The following RALGAPB variants were observed in gnomAD, a reference collection of about 807,000 sequenced individuals.
RALGAPB encodes Ral GTPase activating protein non-catalytic subunit beta.
Under a neutral mutation model 161.1 loss-of-function variants are expected in RALGAPB, and 25 were observed. That is an observed-to-expected ratio of 0.16 (90% CI 0.11 to 0.22). The LOEUF is 0.22. RALGAPB is among the 10% of genes least tolerant of loss of function. The probability of loss-of-function intolerance (pLI) is 1.00; values close to 1 mark genes in which losing one functional copy is unlikely to be tolerated. For synonymous variants in RALGAPB, 629 were observed against 626.1 expected (o/e 1.00, Z -0.07); for missense variants, 1,391 against 1,815.2 (o/e 0.77, Z 4.25).
rs1295820491 is a variant in RALGAPB at position 38,575,965 on chromosome 20, G to A, written c.*998G>A. The A allele has an allele frequency of 6.6e-6, 1 of 152,430 alleles. No individual in the cohort carries two copies. Among genetic ancestry groups the A allele is most frequent in the Non-Finnish European group, 1.5e-5 (1 of 68,034 alleles). The allele number at this position is 152,430 out of a possible 1,614,324, so 9.4% of individuals were successfully genotyped here. A position where few individuals can be genotyped will look rare whatever the true frequency, so the allele number is the denominator to read the frequency against. ...GCTACTAATTCAGATCTCTCCCAGAGAACTACTGGATTTCCTCATAATTGA... is the reference window on the plus strand; with the variant it reads ...GCTACTAATTCAGATCTCTCCCAGAAAACTACTGGATTTCCTCATAATTGA... On this transcript the variant is annotated 3_prime_UTR_variant, in exon 30 of 30. Transcript: ENST00000262879.
At chr20:38,528,680 T>C (rs2086549176) in intron 13 of RALGAPB, among the ~76,000 whole-genome samples, 1 of 152,078 alleles carries the variant, frequency 6.6e-6, no homozygotes, top group African/African-American at 2.4e-5. Flanking sequence ...ACATTTATTT[T>C]AGGGAATTTT....
At chr20:38,494,428 C>G (rs1459182601) in intron 3 of RALGAPB, among the ~76,000 whole-genome samples, 1 of 152,156 alleles carries the variant, frequency 6.6e-6, no homozygotes, top group Non-Finnish European at 1.5e-5. Context: ...GTCAGGAGTT[C>G]CAGACCAGCC....
In RALGAPB at chr20:38,521,557, C is replaced by G; in HGVS notation, c.1478C>G (p.Thr493Ser). 2.5e-6 allele frequency: 4 copies of G among 1,614,180 alleles called. No individual in the cohort carries two copies. The highest frequency in any genetic ancestry group is 3.4e-6 in the Non-Finnish European group (4 of 1,180,026). Residue 493 changes from threonine (T) to serine (S), a missense_variant, in exon 10 of 30, where the codon ACC becomes AGC. Transcript: ENST00000262879. ...RRKGSQMSTD[T>S]MVSNPMFDAS... ...AAAGGGTCACAAATGTCCACAGACA[C>G]CATGGTTTCCAATCCTATGTTTGAT... is the stretch of plus-strand genomic sequence containing the variant.
At position 38,472,899 on chromosome 20, in the gene RALGAPB, C is replaced by T; in HGVS notation, c.-201C>T. On this transcript the variant is annotated 5_prime_UTR_variant, in exon 1 of 30. Transcript: ENST00000262879. ...GCTGGCTCGAGTGGCCTTCGTCGTC[C>T]CTTGGCGCCCTGGGAGAGTCGCTGA... 2 of 398,966 alleles carry T rather than the reference C, an allele frequency of 5.0e-6. No individual in the cohort carries two copies. The highest frequency in any genetic ancestry group is 8.8e-6 in the Non-Finnish European group (2 of 225,992). 24.7% of individuals were successfully genotyped at this position (398,966 alleles called of 1,614,324 possible). A position where few individuals can be genotyped will look rare whatever the true frequency, so the allele number is the denominator to read the frequency against.
Position 38,525,531 on chromosome 20 carries a change from T to G in RALGAPB, c.1902+13T>G, listed in dbSNP as rs756929944. ...AGTCAAATCTGAGGTAATGTTTTGTTAAAGTTTTTTTATATCCTATATTCT... is the reference window on the plus strand; with the variant it reads ...AGTCAAATCTGAGGTAATGTTTTGTGAAAGTTTTTTTATATCCTATATTCT... On this transcript the variant is annotated intron_variant, in intron 12 of 29. Coordinates refer to ENST00000262879, the MANE Select transcript of RALGAPB (RefSeq NM_020336.4). The G allele has an allele frequency of 3.9e-6, 6 of 1,553,338 alleles. No individual in the cohort carries two copies. In the South Asian group the frequency reaches 6.8e-5, roughly 18 times the overall value.
chr20:38,550,741 G>A (rs1204033914), intron 20 of RALGAPB, among the ~76,000 whole-genome samples: 11 of 152,194 alleles, frequency 7.2e-5, no homozygotes, highest in African/African-American at 2.7e-4. Flanking sequence ...CCCTGGGGAA[G>A]AGAGTTTGAG....
chr20:38,574,756 A>C lies in RALGAPB; in HGVS notation c.4292-18A>C. 3.1e-6 allele frequency: 5 copies of C among 1,604,726 alleles called. No homozygotes were observed. The highest frequency in any genetic ancestry group is 4.3e-6 in the Non-Finnish European group (5 of 1,171,976). On this transcript the variant is annotated intron_variant, in intron 29 of 29. Coordinates refer to ENST00000262879, the MANE Select transcript of RALGAPB (RefSeq NM_020336.4). ...TGACTAGTTTCTAACGTTTATTTTA[A>C]AACTCTCTATTTTCAAGGCTTTCTG...
At chr20:38,550,157 G>GT (rs2087324906) in intron 20 of RALGAPB, among the ~76,000 whole-genome samples, 2 of 152,200 alleles carry the variant, frequency 1.3e-5, no homozygotes, top group South Asian at 4.1e-4. Flanking sequence ...GGTAGGGGGA[G>GT]TGGGGAGGGA....
chr20:38,569,890 C>T lies in RALGAPB; in HGVS notation c.3957C>T (p.Leu1319=). 17 of 1,612,074 alleles carry T rather than the reference C, an allele frequency of 1.1e-5. No homozygotes were observed. Among genetic ancestry groups the T allele is most frequent in the Non-Finnish European group, 1.4e-5 (17 of 1,178,474 alleles). Residue 1319 remains leucine, a splice_region_variant and synonymous_variant, in exon 27 of 30, where the codon CTC becomes CTT. Transcript: ENST00000262879. ...HTDNLNSSQR[L]SPSSRMRKLP... ...CTGTCTTCTTCTTCTTCATGTAGCT[C>T]AGTCCCAGTTCCAGAATGAGGAAGC...
At position 38,551,221 on chromosome 20, in the gene RALGAPB, G is replaced by A. The variant is rs769723822; in HGVS notation, c.3160G>A (p.Glu1054Lys). The A allele has an allele frequency of 6.2e-7, 1 of 1,613,374 alleles. No homozygotes were observed. The highest frequency in any genetic ancestry group is 8.5e-7 in the Non-Finnish European group (1 of 1,179,430). The change falls in exon 21 of 30, where the codon GAA becomes AAA. Residue 1054 changes from glutamate (E) to lysine (K), a missense_variant and splice_region_variant. By Grantham distance (56) the Glu-to-Lys change is moderately conservative. Coordinates refer to ENST00000262879, the MANE Select transcript of RALGAPB (RefSeq NM_020336.4). ...AGATTTGCATGAAATAGTCACTGAA[G>A]AAGTAAGTACATTATTTTTAGCTGT... is the stretch of plus-strand genomic sequence containing the variant. ...IPDLHEIVTEELEERHEKLRS... is the reference protein window; with the variant it reads ...IPDLHEIVTEKLEERHEKLRS...
At chr20:38,483,128 A>G (rs371658206) in intron 1 of RALGAPB, among the ~76,000 whole-genome samples, 40 of 152,308 alleles carry the variant, frequency 2.6e-4, no homozygotes, top group South Asian at 1.4e-3. Flanking sequence ...GACTCAAGCA[A>G]TGTGCCCGCC....
chr20:38,492,398 G>A (rs1052940496), intron 2 of RALGAPB, among the ~76,000 whole-genome samples: 1 of 151,958 alleles, frequency 6.6e-6, no homozygotes, highest in African/African-American at 2.4e-5. Context: ...TTTCAGATGT[G>A]TTTGTTCTTC....
intron 9 of RALGAPB, among the ~76,000 whole-genome samples, chr20:38,519,856 T>C (rs1177435832): frequency 6.6e-6 from 1 of 152,234 alleles, no homozygotes; most frequent in Non-Finnish European, 1.5e-5. Flanking sequence ...AGTTCACCTC[T>C]AACTTAAAGT....
At chr20:38,520,023 C>T (rs752096435) in intron 9 of RALGAPB, among the ~76,000 whole-genome samples, 5 of 152,208 alleles carry the variant, frequency 3.3e-5, no homozygotes, top group East Asian at 1.9e-4. Flanking sequence ...TAATTTTCTT[C>T]GTTCATTGTT....
intron 4 of RALGAPB, among the ~76,000 whole-genome samples, chr20:38,498,820 C>T (rs1382887775): frequency 3.3e-5 from 5 of 152,172 alleles, no homozygotes; most frequent in Non-Finnish European, 7.3e-5. Context: ...CAACACCAGT[C>T]CTTTTGCTCC....
At chr20:38,572,331 A>T (rs1009514947) in intron 28 of RALGAPB, among the ~76,000 whole-genome samples, 1 of 152,216 alleles carries the variant, frequency 6.6e-6, no homozygotes, top group African/African-American at 2.4e-5. Flanking sequence ...AGGTTTGCTT[A>T]CTTGTTTTTG....
intron 5 of RALGAPB, among the ~76,000 whole-genome samples, chr20:38,500,295 TGTC>T (rs2085546013): frequency 6.6e-6 from 1 of 152,132 alleles, no homozygotes; most frequent in South Asian, 2.1e-4. Context: ...CAAGCGAGTC[TGTC>T]GGGTGCCATT....
At chr20:38,570,355 A>T (rs1157092694) in intron 27 of RALGAPB, among the ~76,000 whole-genome samples, 1 of 152,164 alleles carries the variant, frequency 6.6e-6, no homozygotes. Flanking sequence ...CTCCACCCAC[A>T]TGTCCTACTG....
Position 38,502,408 on chromosome 20 carries a change from GA to G in RALGAPB, c.740+2779del, listed in dbSNP as rs537212402. Among the ~76,000 whole-genome samples the G allele has an allele frequency of 1.6e-3, 248 of 152,284 alleles. 2 individuals are homozygous for G. Among genetic ancestry groups the G allele is most frequent in the Non-Finnish European group, 2.1e-3 (142 of 68,030 alleles). The stretch of plus-strand genomic sequence containing the variant: ...GCTGGAAGTGCTCCCAAGAAGCAGA[GA>G]AAACTCATGACATTACAAGAAAAAG... On this transcript the variant is annotated intron_variant, in intron 5 of 29. Transcript: ENST00000262879.
Sources: allele counts gnomAD v4.1 joint callset (sites outside exome capture counted in the v4.1 genomes callset), GRCh38; gene constraint gnomAD v4.1.1; transcripts MANE v1.5; gene names NCBI Gene and HGNC (gene_info 2026-07-23, HGNC 2026-07-21).